The following TSPAN18 variants were observed in gnomAD, a reference collection of about 807,000 sequenced individuals.
TSPAN18 encodes tetraspanin-18.
TSPAN18 carries 14 observed loss-of-function variants against 27.3 expected under a neutral mutation model. The observed-to-expected ratio is 0.51, with a 90% CI of 0.34 to 0.80. The LOEUF is 0.80. Among genes scored for constraint, TSPAN18 ranks in the 30% least tolerant of loss-of-function variants. The pLI, the probability that TSPAN18 is intolerant of heterozygous loss-of-function variation, is 0.01. For synonymous variants in TSPAN18, 143 were observed against 136.5 expected, an observed-to-expected ratio of 1.05 and a Z score of -0.33; for missense variants, 268 against 323.9, an observed-to-expected ratio of 0.83 and a Z score of 1.32.
intron 2 of TSPAN18, among the ~76,000 whole-genome samples, chr11:44,785,418 T>C (rs1856031713): frequency 6.6e-6 from 1 of 152,164 alleles, no homozygotes; most frequent in African/African-American, 2.4e-5. Context: ...TTACAGAGCT[T>C]CCGAATCCCA....
intron 3 of TSPAN18, chr11:44,903,571 A>G (rs1259238641): frequency 4.4e-6 from 2 of 456,328 alleles, no homozygotes; most frequent in African/African-American, 4.0e-5. Context: ...GGAGGTAGGG[A>G]GGCCAGTCCC....
At chr11:44,803,198 A>T (rs924414617) in intron 2 of TSPAN18, among the ~76,000 whole-genome samples, 5 of 152,346 alleles carry the variant, frequency 3.3e-5, no homozygotes, top group African/African-American at 9.6e-5. Flanking sequence ...ACACAGGCAG[A>T]TAAGGCTTTT....
chr11:44,888,499 G>A (rs1394257689), intron 3 of TSPAN18, among the ~76,000 whole-genome samples: 1 of 152,110 alleles, frequency 6.6e-6, no homozygotes. Flanking sequence ...CAGAGGAAGT[G>A]GGAGAAACAG....
At chr11:44,825,812 G>A (rs938977356) in intron 2 of TSPAN18, among the ~76,000 whole-genome samples, 2 of 152,064 alleles carry the variant, frequency 1.3e-5, no homozygotes, top group African/African-American at 2.4e-5. Flanking sequence ...AGACCCTGGT[G>A]GGCTTGTTTC....
At chr11:44,892,239 G>A (rs140769683) in intron 3 of TSPAN18, among the ~76,000 whole-genome samples, 1 of 152,312 alleles carries the variant, frequency 6.6e-6, no homozygotes, top group Non-Finnish European at 1.5e-5. Context: ...CAGTTTGGCT[G>A]CCAGGCACCT....
chr11:44,800,350 G>T (rs2135066771), intron 2 of TSPAN18, among the ~76,000 whole-genome samples: 1 of 152,294 alleles, frequency 6.6e-6, no homozygotes, highest in Non-Finnish European at 1.5e-5. Flanking sequence ...CCCCAGAGCT[G>T]GGGGATCTGG....
At chr11:44,899,278 C>T (rs978005358) in intron 3 of TSPAN18, among the ~76,000 whole-genome samples, 1 of 152,188 alleles carries the variant, frequency 6.6e-6, no homozygotes, top group African/African-American at 2.4e-5. Flanking sequence ...ACATGGTGGC[C>T]AGATATTCTG....
intron 1 of TSPAN18, among the ~76,000 whole-genome samples, chr11:44,763,344 G>A (rs924496828): frequency 6.6e-6 from 1 of 152,126 alleles, no homozygotes; most frequent in Non-Finnish European, 1.5e-5. Context: ...TGTCTCTGCT[G>A]GCAGGTATGT....
At chr11:44,779,386 T>A (rs1416162408) in intron 2 of TSPAN18, among the ~76,000 whole-genome samples, 1 of 152,204 alleles carries the variant, frequency 6.6e-6, no homozygotes, top group Non-Finnish European at 1.5e-5. Flanking sequence ...CTTTTTGTGT[T>A]CAGTGAAGGC....
intron 1 of TSPAN18, among the ~76,000 whole-genome samples, chr11:44,744,499 G>A (rs538044715): frequency 1.3e-5 from 2 of 152,160 alleles, no homozygotes; most frequent in Admixed American, 6.5e-5. Context: ...AAATGGGGGG[G>A]TAGCTTCAAG....
At chr11:44,883,434 C>T (rs571206526) in intron 3 of TSPAN18, among the ~76,000 whole-genome samples, 80 of 152,302 alleles carry the variant, frequency 5.3e-4, no homozygotes, top group African/African-American at 1.7e-3. Context: ...GTCATAACAG[C>T]GCGTGCTTCT....
chr11:44,773,260 T>C (rs1855730161), intron 2 of TSPAN18, among the ~76,000 whole-genome samples: 1 of 151,716 alleles, frequency 6.6e-6, no homozygotes, highest in Non-Finnish European at 1.5e-5. Flanking sequence ...CTACTAAAAA[T>C]ATAAAATTAG....
chr11:44,922,247 G>C (rs377337664), intron 8 of TSPAN18, among the ~76,000 whole-genome samples: 19 of 151,924 alleles, frequency 1.3e-4, no homozygotes, highest in Middle Eastern at 3.4e-3. Context: ...CTCTCAAGTA[G>C]CTGGGACTAC....
At chr11:44,781,149 G>A (rs150983037) in intron 2 of TSPAN18, among the ~76,000 whole-genome samples, 9 of 152,208 alleles carry the variant, frequency 5.9e-5, no homozygotes, top group African/African-American at 2.2e-4. Context: ...GAGGGCCCTG[G>A]CCAGTCTCTC....
chr11:44,810,931 A>C (rs1005578410), intron 2 of TSPAN18, among the ~76,000 whole-genome samples: 1 of 152,090 alleles, frequency 6.6e-6, no homozygotes, highest in Non-Finnish European at 1.5e-5. Flanking sequence ...TTTTGAGTAT[A>C]TAGTGGTTTC....
intron 4 of TSPAN18, among the ~76,000 whole-genome samples, chr11:44,908,825 A>AGG (rs1859596651): frequency 3.5e-5 from 4 of 114,758 alleles, no homozygotes; most frequent in African/African-American, 1.5e-4. Flanking sequence ...GAAAGAAAGA[A>AGG]AGAAAAAGAA....
intron 3 of TSPAN18, among the ~76,000 whole-genome samples, chr11:44,896,081 T>C (rs1274546298): frequency 1.3e-5 from 2 of 152,092 alleles, no homozygotes; most frequent in East Asian, 3.9e-4. Context: ...AGCAACTCAA[T>C]GTACATCTAC....
intron 2 of TSPAN18, among the ~76,000 whole-genome samples, chr11:44,823,488 T>G (rs1202888848): frequency 6.6e-6 from 1 of 151,896 alleles, no homozygotes; most frequent in Non-Finnish European, 1.5e-5. Context: ...TTTAGGAGTA[T>G]GCAAAAAAGG....
intron 2 of TSPAN18, among the ~76,000 whole-genome samples, chr11:44,851,617 C>A (rs888475476): frequency 6.8e-6 from 1 of 146,196 alleles, no homozygotes; most frequent in Non-Finnish European, 1.5e-5. Flanking sequence ...TTGTCACCTC[C>A]CCCCCCCAAC....
Sources: gnomAD v4.1 joint callset for allele counts (sites outside exome capture counted in the v4.1 genomes callset) on GRCh38, gnomAD v4.1.1 for gene constraint, MANE v1.5 for transcripts, NCBI Gene and HGNC (gene_info 2026-07-23, HGNC 2026-07-21) for gene names.